ADAM32: variants seen among roughly 807,000 people sequenced by gnomAD.
The protein encoded by ADAM32 is ADAM metallopeptidase domain 32, also known as disintegrin and metalloproteinase domain-containing protein 32.
A neutral mutation model predicts 114.9 loss-of-function variants in ADAM32; 89 were observed. The observed-to-expected ratio is 0.77, with a 90% CI of 0.65 to 0.92. The LOEUF (loss-of-function observed/expected upper bound fraction) is 0.92, where lower values mean the gene tolerates loss of function less well. ADAM32 is among the 40% of genes least tolerant of loss of function. The pLI is 0.00. For missense variants in ADAM32, 870 were observed against 932.8 expected (o/e 0.93, Z 0.88); for synonymous variants, 285 against 307.5 (o/e 0.93, Z 0.77).
intron 22 of ADAM32, among the ~76,000 whole-genome samples, chr8:39,278,708 G>A (rs915097532): frequency 5.3e-5 from 8 of 151,638 alleles, no homozygotes; most frequent in South Asian, 2.1e-4. Flanking sequence ...AGCTTAAAAC[G>A]TATTTATCAG....
At chr8:39,132,230 A>G (rs1802510529) in intron 2 of ADAM32, among the ~76,000 whole-genome samples, 1 of 152,206 alleles carries the variant, frequency 6.6e-6, no homozygotes, top group African/African-American at 2.4e-5. Flanking sequence ...AGATTGTACC[A>G]ATCTATTTCT....
chr8:39,133,802 A>G (rs1337645090), intron 2 of ADAM32, among the ~76,000 whole-genome samples: 1 of 152,160 alleles, frequency 6.6e-6, no homozygotes, highest in Admixed American at 6.5e-5. Flanking sequence ...ATGTAGGCAC[A>G]GTGGTGTTGG....
intron 11 of ADAM32, among the ~76,000 whole-genome samples, chr8:39,194,894 C>T (rs1158581220): frequency 2.0e-5 from 3 of 152,184 alleles, no homozygotes; most frequent in Non-Finnish European, 4.4e-5. Context: ...GGCTCTACAC[C>T]GGTTGGAGTT....
At chr8:39,266,072 C>T (rs1812331793) in intron 19 of ADAM32, among the ~76,000 whole-genome samples, 1 of 152,126 alleles carries the variant, frequency 6.6e-6, no homozygotes, top group Non-Finnish European at 1.5e-5. Flanking sequence ...TGACTTGCCC[C>T]TTCTCCCAAG....
intron 16 of ADAM32, among the ~76,000 whole-genome samples, chr8:39,234,850 A>G (rs1054151006): frequency 6.6e-6 from 1 of 152,234 alleles, no homozygotes; most frequent in East Asian, 1.9e-4. Flanking sequence ...TAAGAACTTA[A>G]AGGCATTTCT....
At position 39,211,327 on chromosome 8, in the gene ADAM32, A is replaced by C; in HGVS notation, c.1233+3A>C. 1 of 1,488,154 alleles carries C rather than the reference A, an allele frequency of 6.7e-7. No individual in the cohort carries two copies. The highest frequency in any genetic ancestry group is 8.9e-7 in the Non-Finnish European group (1 of 1,122,076). The allele number at this position is 1,488,154 out of a possible 1,614,324, so 92.2% of individuals were successfully genotyped here. On this transcript the variant is annotated splice_donor_region_variant and intron_variant, in intron 12 of 24. Transcript: ENST00000379907. ...TCTGTGATTGTGGTACTGAGGCTGT[A>C]AGTATGATAACTAGGAAAATTGATT...
chr8:39,140,029 C>A (rs1436529702), intron 3 of ADAM32, among the ~76,000 whole-genome samples: 1 of 152,122 alleles, frequency 6.6e-6, no homozygotes, highest in Non-Finnish European at 1.5e-5. Flanking sequence ...GATTTTGTAT[C>A]CTGAGACTTT....
chr8:39,199,286 C>G (rs892940840), intron 11 of ADAM32, among the ~76,000 whole-genome samples: 1 of 152,122 alleles, frequency 6.6e-6, no homozygotes, highest in Non-Finnish European at 1.5e-5. Context: ...AGCTATTATT[C>G]CTTACATAAG....
intron 14 of ADAM32, among the ~76,000 whole-genome samples, chr8:39,229,566 AC>A (rs1328650118): frequency 2.0e-5 from 3 of 152,218 alleles, no homozygotes; most frequent in Admixed American, 1.3e-4. Flanking sequence ...ATCAGACAAA[AC>A]AAACTTTAAA....
chr8:39,122,625 G>T (rs1030219872), intron 2 of ADAM32, among the ~76,000 whole-genome samples: 3 of 152,194 alleles, frequency 2.0e-5, no homozygotes, highest in African/African-American at 7.2e-5. Context: ...TGTCTAGGCT[G>T]GAGTGCAGTG....
intron 11 of ADAM32, among the ~76,000 whole-genome samples, chr8:39,195,884 A>G (rs1026314727): frequency 2.0e-5 from 3 of 152,054 alleles, no homozygotes; most frequent in African/African-American, 7.2e-5. Flanking sequence ...GAAGAATATT[A>G]TTGGTATTTT....
chr8:39,132,011 A>G, intron 2 of ADAM32: 1 of 306,796 alleles, frequency 3.3e-6, no homozygotes, highest in Non-Finnish European at 6.8e-6. Flanking sequence ...TTCCTGCCTC[A>G]GCATCCTGAG....
At chr8:39,158,864 C>T (rs1376403715) in intron 6 of ADAM32, among the ~76,000 whole-genome samples, 1 of 151,962 alleles carries the variant, frequency 6.6e-6, no homozygotes, top group Non-Finnish European at 1.5e-5. Context: ...CCACAATTTC[C>T]TTTTTATAAT....
intron 11 of ADAM32, among the ~76,000 whole-genome samples, chr8:39,206,066 A>G (rs1401259320): frequency 6.6e-6 from 1 of 152,198 alleles, no homozygotes; most frequent in African/African-American, 2.4e-5. Context: ...ATGTATTTAT[A>G]GTATTAGTTG....
Position 39,221,773 on chromosome 8 carries a change from C to G in ADAM32, c.1326+71C>G, listed in dbSNP as rs1808981566. 5 of 957,864 alleles carry G rather than the reference C, an allele frequency of 5.2e-6. No homozygotes were observed. In the African/African-American group the frequency reaches 8.3e-5, roughly 16 times the overall value. 59.3% of individuals were successfully genotyped at this position (957,864 alleles called of 1,614,324 possible). A position where few individuals can be genotyped will look rare whatever the true frequency, so the allele number is the denominator to read the frequency against. ...TGTGCAGGGTACTTTACAACACAGA[C>G]CTACAGCTGTAATTACATCAATTAA... On this transcript the variant is annotated intron_variant, in intron 13 of 24. Transcript: ENST00000379907.
chr8:39,139,243 CTT>C (rs2129445108), intron 3 of ADAM32, among the ~76,000 whole-genome samples: 1 of 152,268 alleles, frequency 6.6e-6, no homozygotes, highest in East Asian at 1.9e-4. Context: ...GTTGTGAAGT[CTT>C]TGCCTATGCC....
At chr8:39,190,866 T>A (rs1585498891) in intron 11 of ADAM32, among the ~76,000 whole-genome samples, 1 of 152,166 alleles carries the variant, frequency 6.6e-6, no homozygotes, top group South Asian at 2.1e-4. Flanking sequence ...TTGCCACCCA[T>A]GTACTAAGCC....
intron 9 of ADAM32, chr8:39,165,611 T>C (rs1435764387): frequency 6.5e-6 from 1 of 152,872 alleles, no homozygotes; most frequent in Non-Finnish European, 1.5e-5. Context: ...GACTTTACCC[T>C]AATGAATTTT....
chr8:39,121,314 A>T (rs963786991), intron 2 of ADAM32, among the ~76,000 whole-genome samples: 1 of 152,186 alleles, frequency 6.6e-6, no homozygotes, highest in Non-Finnish European at 1.5e-5. Flanking sequence ...ATTCTACAGG[A>T]TAGGACGATA....
Sources: allele counts gnomAD v4.1 joint callset (sites outside exome capture counted in the v4.1 genomes callset), GRCh38; gene constraint gnomAD v4.1.1; transcripts MANE v1.5; gene names NCBI Gene and HGNC (gene_info 2026-07-23, HGNC 2026-07-21).